The following VPS8 variants were observed in gnomAD, a reference collection of about 807,000 sequenced individuals.
The protein encoded by VPS8 is VPS8 subunit of CORVET complex.
A neutral mutation model predicts 216.4 loss-of-function variants in VPS8; 129 were observed. The ratio of observed to expected loss-of-function variants is 0.60; its 90% CI spans 0.52 to 0.69. The LOEUF (loss-of-function observed/expected upper bound fraction) is 0.69. Ranked by LOEUF, VPS8 falls within the 30% of genes least tolerant of loss-of-function variation. The pLI is 0.00. For missense variants in VPS8, 1,531 were observed against 1,683.5 expected, an observed-to-expected ratio of 0.91 and a Z score of 1.59; for synonymous variants, 571 against 565.4, an observed-to-expected ratio of 1.01 and a Z score of -0.14.
In VPS8 at chr3:184,849,370, A is replaced by G. The variant is rs1486691875; in HGVS notation, c.666+175A>G. On this transcript the variant is annotated intron_variant, in intron 9 of 47. Transcript: ENST00000625842. ...TTGTTCAAAATTTTACATAATTGTTATCGACTGACCCAGAGTCTGTAATTT... is the reference window on the plus strand; with the variant it reads ...TTGTTCAAAATTTTACATAATTGTTGTCGACTGACCCAGAGTCTGTAATTT... The G allele has an allele frequency of 1.0e-5, 7 of 686,984 alleles. No homozygotes were observed. In the Admixed American group the frequency reaches 2.0e-4, roughly 19 times the overall value. The allele number at this position is 686,984 out of a possible 1,614,324, so 42.6% of individuals were successfully genotyped here.
chr3:184,908,177 CA>C lies in VPS8; in HGVS notation c.2147-5333del, dbSNP rs201325697. ...CCACAGAGTGAGTTCTGAGTTAGGG[CA>C]AAAAAAAATAAGCCCTGAAAATGGA... is the stretch of plus-strand genomic sequence containing the variant. On this transcript the variant is annotated intron_variant, in intron 25 of 47. Coordinates refer to ENST00000625842, the MANE Select transcript of VPS8 (RefSeq NM_001009921.3). 9.4e-5 allele frequency among the ~76,000 whole-genome samples: 14 copies of C among 148,858 alleles called. No homozygotes were observed. In the East Asian group the frequency reaches 2.0e-3, roughly 21 times the overall value.
intron 46 of VPS8, among the ~76,000 whole-genome samples, chr3:185,034,994 A>G (rs943913232): frequency 1.3e-5 from 2 of 152,182 alleles, no homozygotes; most frequent in African/African-American, 4.8e-5. Flanking sequence ...TAGAAATTCT[A>G]GAGGAAATGG....
chr3:185,051,745 G>C (rs948507769), intron 47 of VPS8, 131 bp from the exon 48 acceptor site: 1 of 1,162,078 alleles, frequency 8.6e-7, no homozygotes, highest in Non-Finnish European at 1.2e-6. Context: ...ATGGACCTAA[G>C]ATTCAAACCC....
At chr3:184,993,364 T>G (rs9865005) in intron 42 of VPS8, among the ~76,000 whole-genome samples, 136,829 of 151,062 alleles carry the variant, frequency 0.91, 62,696 homozygotes, top group Non-Finnish European at 0.98. Context: ...GTTTTTTGGG[T>G]TTTTTTTTTG....
At chr3:184,853,717 C>A in intron 11 of VPS8, 140 bp from the exon 12 acceptor site, 1 of 782,718 alleles carries the variant, frequency 1.3e-6, no homozygotes, top group Non-Finnish European at 2.0e-6. Flanking sequence ...ATAAAAAGAC[C>A]ATGCTGCTGT....
chr3:184,832,096 A>G (rs1304377628), intron 3 of VPS8, among the ~76,000 whole-genome samples: 1 of 152,214 alleles, frequency 6.6e-6, no homozygotes, highest in Non-Finnish European at 1.5e-5. Flanking sequence ...GTAATGGCAT[A>G]TAAGGCTTTT....
chr3:184,826,996 T>A (rs548978669), intron 3 of VPS8, among the ~76,000 whole-genome samples: 161 of 152,300 alleles, frequency 1.1e-3, no homozygotes, highest in Non-Finnish European at 1.9e-3. Flanking sequence ...CAGTCTTCAT[T>A]TTTTAAAAAC....
intron 46 of VPS8, among the ~76,000 whole-genome samples, chr3:185,031,068 T>TTTG (rs1485302267): frequency 2.9e-5 from 4 of 139,632 alleles, no homozygotes; most frequent in African/African-American, 1.1e-4. Flanking sequence ...TTGGCGTTTT[T>TTTG]TTTTTTTTTT....
intron 34 of VPS8, among the ~76,000 whole-genome samples, chr3:184,933,064 G>A (rs938455529): frequency 6.6e-6 from 1 of 152,210 alleles, no homozygotes; most frequent in Admixed American, 6.5e-5. Flanking sequence ...TCCTGAATCA[G>A]AAACTCTGGG....
At position 184,996,462 on chromosome 3, in the gene VPS8, A is replaced by G. The variant is rs1189535234; in HGVS notation, c.3797A>G (p.Lys1266Arg). ...DYCSICLQQY[K>R]RRQEMADEII... is the part of the protein sequence containing the mutation. ...TGCTCTATATGTTTGCAGCAGTACAAGAGACGCCAAGAAATGGCTGATGAA... is the reference window on the plus strand; with the variant it reads ...TGCTCTATATGTTTGCAGCAGTACAGGAGACGCCAAGAAATGGCTGATGAA... The change falls in exon 44 of 48, where the codon AAG (lysine) becomes AGG (arginine). Residue 1266 changes from lysine (K) to arginine (R), a missense_variant. This residue lies in a region of VPS8 where 1,318 missense variants were observed against 1,468.4 expected (regional missense o/e 0.90). Transcript: ENST00000625842. 1.2e-6 allele frequency: 2 copies of G among 1,607,312 alleles called. No individual in the cohort carries two copies. The highest frequency in any genetic ancestry group is 3.5e-5 in the Admixed American group (2 of 57,590).
chr3:184,992,061 C>A (rs930794124), intron 42 of VPS8, among the ~76,000 whole-genome samples: 8 of 152,120 alleles, frequency 5.3e-5, no homozygotes, highest in African/African-American at 1.9e-4. Flanking sequence ...CCAGAGAAAC[C>A]TCTGGCAGAC....
Position 184,940,186 on chromosome 3 carries a change from T to A in VPS8, c.2989-11T>A, listed in dbSNP as rs1402755280. 8 of 1,474,132 alleles carry A rather than the reference T, an allele frequency of 5.4e-6. No individual in the cohort carries two copies. The highest frequency in any genetic ancestry group is 7.3e-6 in the Non-Finnish European group (8 of 1,100,390). The allele number at this position is 1,474,132 out of a possible 1,614,324, so 91.3% of individuals were successfully genotyped here. On this transcript the variant is annotated splice_polypyrimidine_tract_variant and intron_variant, in intron 35 of 47. Transcript: ENST00000625842. Reference sequence around the variant, plus strand: ...ATATTTAATTGTAATTTTTATTGTTTTTCTGTTCAGAACCAGGTTTTGCTT... The same window carrying A: ...ATATTTAATTGTAATTTTTATTGTTATTCTGTTCAGAACCAGGTTTTGCTT...
intron 28 of VPS8, among the ~76,000 whole-genome samples, chr3:184,917,508 C>T (rs1560669294): frequency 6.6e-6 from 1 of 152,166 alleles, no homozygotes. Context: ...CGGCTCACTG[C>T]AACCTCCACC....
At chr3:184,920,336 T>C (rs1738388588) in intron 29 of VPS8, 138 bp downstream of exon 29, 2 of 581,992 alleles carry the variant, frequency 3.4e-6, no homozygotes, top group Non-Finnish European at 5.6e-6. Context: ...GGTGTCTTTG[T>C]TCTCAAGAGC....
At chr3:184,993,658 A>G (rs1341472929) in intron 42 of VPS8, among the ~76,000 whole-genome samples, 1 of 152,216 alleles carries the variant, frequency 6.6e-6, no homozygotes, top group African/African-American at 2.4e-5. Context: ...TTAATGTAAC[A>G]TATATACGAG....
intron 42 of VPS8, 100 bp from the exon 43 acceptor site, chr3:184,993,883 A>G (rs528742640): frequency 2.2e-6 from 2 of 904,610 alleles, no homozygotes; most frequent in South Asian, 1.8e-5. Flanking sequence ...TTGTGACTGT[A>G]GAAAAATACT....
At chr3:184,876,539 C>G (rs1255376464) in intron 21 of VPS8, among the ~76,000 whole-genome samples, 1 of 152,112 alleles carries the variant, frequency 6.6e-6, no homozygotes, top group Non-Finnish European at 1.5e-5. Flanking sequence ...GATTGCTCTT[C>G]TGAATTCTGA....
chr3:184,932,277 A>G (rs1560742038), intron 34 of VPS8, among the ~76,000 whole-genome samples: 1 of 152,128 alleles, frequency 6.6e-6, no homozygotes, highest in Admixed American at 6.6e-5. Context: ...TGAAAGATTG[A>G]TGCCTCGTAA....
At chr3:184,931,119 G>A (rs936798324) in intron 34 of VPS8, among the ~76,000 whole-genome samples, 3 of 152,228 alleles carry the variant, frequency 2.0e-5, no homozygotes, top group Middle Eastern at 3.4e-3. Context: ...GACTACTTGC[G>A]TGATGAGGGC....
Sources: allele counts gnomAD v4.1 joint callset (sites outside exome capture counted in the v4.1 genomes callset), GRCh38; gene constraint gnomAD v4.1.1; regional missense constraint gnomAD v4.1.1; transcripts MANE v1.5; gene names NCBI Gene and HGNC (gene_info 2026-07-23, HGNC 2026-07-21).